UGT2B7: variants seen among roughly 807,000 people sequenced by gnomAD.
UGT2B7 encodes UDP-glucuronosyltransferase 2B7.
UGT2B7 carries 51 observed loss-of-function variants against 51.9 expected under a neutral mutation model. That is an observed-to-expected ratio of 0.98 (90% CI 0.78 to 1.24). The LOEUF is 1.24. Ranked by LOEUF, UGT2B7 falls within the 50% of genes most tolerant of loss-of-function variation. UGT2B7 has a pLI of 0.00. For missense variants in UGT2B7, 727 were observed against 628.4 expected, an observed-to-expected ratio of 1.16 and a Z score of -1.68; for synonymous variants, 225 against 211.6, an observed-to-expected ratio of 1.06 and a Z score of -0.55.
At chr4:69,069,360 C>T (rs1280596121) in intron 1 of UGT2B7, among the ~76,000 whole-genome samples, 2 of 151,814 alleles carry the variant, frequency 1.3e-5, no homozygotes, top group Non-Finnish European at 2.9e-5. Flanking sequence ...AATCTCTGTA[C>T]TCTCAATTGA....
intron 1 of UGT2B7, among the ~76,000 whole-genome samples, chr4:69,056,692 C>T (rs1319656207): frequency 6.6e-6 from 1 of 151,926 alleles, no homozygotes; most frequent in Non-Finnish European, 1.5e-5. Context: ...CCTACCTGTA[C>T]TTCTTCAAAT....
At chr4:69,094,840 T>C (rs73823857), upstream of UGT2B7, among the ~76,000 whole-genome samples, 5,074 of 152,320 alleles carry the variant, frequency 0.033, 118 homozygotes, top group Middle Eastern at 0.11. Context: ...ACTCTAACGC[T>C]GCTTTATAAA....
intron 5 of UGT2B7, among the ~76,000 whole-genome samples, chr4:69,111,963 C>T (rs983279121): frequency 6.6e-6 from 1 of 152,256 alleles, no homozygotes; most frequent in Middle Eastern, 3.4e-3. Context: ...AATTAACTTA[C>T]TTTCAGTATT....
chr4:69,057,198 A>C (rs1718224359), intron 1 of UGT2B7, among the ~76,000 whole-genome samples: 1 of 152,160 alleles, frequency 6.6e-6, no homozygotes, highest in Non-Finnish European at 1.5e-5. Context: ...CAGTGTTGTG[A>C]GCCCTTAAAA....
chr4:69,112,592 C>T lies in UGT2B7; in HGVS notation c.1446C>T (p.Asp482=). Residue 482 remains aspartate (D), a synonymous_variant, in exon 6 of 6, where the codon GAC becomes GAT. Coordinates refer to ENST00000305231, the MANE Select transcript of UGT2B7 (RefSeq NM_001074.4). The part of the protein sequence containing the change: ...GAKHLRVAAH[D]LTWFQYHSLD... ...AACACCTTCGGGTTGCAGCCCACGACCTCACCTGGTTCCAGTACCACTCTT... is the reference window on the plus strand; with the variant it reads ...AACACCTTCGGGTTGCAGCCCACGATCTCACCTGGTTCCAGTACCACTCTT... 2.5e-6 allele frequency: 4 copies of T among 1,613,982 alleles called. No individual in the cohort carries two copies. The highest frequency in any genetic ancestry group is 3.4e-6 in the Non-Finnish European group (4 of 1,179,884).
intron 2 of UGT2B7, 63 bp from the exon 3 acceptor site, chr4:69,102,744 T>C: frequency 1.9e-6 from 3 of 1,567,768 alleles, no homozygotes; most frequent in Non-Finnish European, 2.6e-6. Context: ...TTTGCACCAA[T>C]TCTTTTGGTA....
At chr4:69,053,628 G>A (rs1004005346) in intron 1 of UGT2B7, among the ~76,000 whole-genome samples, 1 of 152,132 alleles carries the variant, frequency 6.6e-6, no homozygotes, top group Non-Finnish European at 1.5e-5. Context: ...AGTCCCTGTG[G>A]GTCAGCCTCC....
chr4:69,106,559 T>C (rs946704599), intron 3 of UGT2B7, among the ~76,000 whole-genome samples: 2 of 152,148 alleles, frequency 1.3e-5, no homozygotes, highest in Non-Finnish European at 2.9e-5. Context: ...CTGCAATTAA[T>C]ACACCTGTGC....
intron 1 of UGT2B7, among the ~76,000 whole-genome samples, chr4:69,064,106 G>GAAAGAAAGAGAAAGAAAC: frequency 8.4e-6 from 1 of 118,368 alleles, no homozygotes; most frequent in Non-Finnish European, 1.7e-5. Context: ...GAGAAAGAAA[G>GAAAGAAAGAGAAAGAAAC]AAAGAAAAAG....
At chr4:69,074,445 T>TATATATATATAA (rs761833298) in intron 1 of UGT2B7, among the ~76,000 whole-genome samples, 10 of 106,516 alleles carry the variant, frequency 9.4e-5, no homozygotes, top group African/African-American at 3.1e-4. Flanking sequence ...TATATATATA[T>TATATATATATAA]AAATTAAAAA....
intron 1 of UGT2B7, among the ~76,000 whole-genome samples, chr4:69,066,163 T>C (rs1295762239): frequency 1.3e-5 from 2 of 152,160 alleles, no homozygotes; most frequent in Non-Finnish European, 2.9e-5. Flanking sequence ...TAGAACAAGG[T>C]ACATACTTTT....
At position 69,112,494 on chromosome 4, in the gene UGT2B7, C is replaced by G; in HGVS notation, c.1348C>G (p.His450Asp). The stretch of plus-strand genomic sequence containing the variant: ...TGTTATGAAATTATCAAGAATTCAA[C>G]ATGATCAACCAGTGAAGCCCCTGGA... Reference protein sequence around the residue: ...ENVMKLSRIQHDQPVKPLDRA... With the variant: ...ENVMKLSRIQDDQPVKPLDRA... The change falls in exon 6 of 6, where the codon CAT becomes GAT. Residue 450 changes from histidine (H) to aspartate (D), a missense_variant. Transcript: ENST00000305231. 1 of 1,613,742 alleles carries G rather than the reference C, an allele frequency of 6.2e-7. No individual in the cohort carries two copies. The highest frequency in any genetic ancestry group is 2.2e-5 in the East Asian group (1 of 44,870).
At chr4:69,069,171 T>G (rs974301783) in intron 1 of UGT2B7, among the ~76,000 whole-genome samples, 1 of 151,978 alleles carries the variant, frequency 6.6e-6, no homozygotes, top group Admixed American at 6.6e-5. Context: ...CTTTCATACT[T>G]TTAACCATGA....
chr4:69,096,955 T>C lies in UGT2B7; in HGVS notation c.435T>C (p.Phe145=). 6.2e-7 allele frequency: 1 copy of C among 1,613,596 alleles called. No individual in the cohort carries two copies. Residue 145 remains phenylalanine, a synonymous_variant, in exon 1 of 6, where the codon TTT becomes TTC. Coordinates refer to ENST00000305231, the MANE Select transcript of UGT2B7 (RefSeq NM_001074.4). ...KFMKKVQESR[F]DVIFADAIFP... ...TGAAAAAAGTACAAGAGTCAAGATT[T>C]GACGTCATTTTTGCAGATGCTATTT...
At chr4:69,076,303 T>C (rs978931788) in intron 1 of UGT2B7, among the ~76,000 whole-genome samples, 2 of 152,210 alleles carry the variant, frequency 1.3e-5, no homozygotes, top group African/African-American at 4.8e-5. Context: ...TGCCCAGCAA[T>C]GGGAATGCTG....
At chr4:69,085,540 T>C (rs1718934677) in intron 1 of UGT2B7, among the ~76,000 whole-genome samples, 1 of 152,174 alleles carries the variant, frequency 6.6e-6, no homozygotes, top group Non-Finnish European at 1.5e-5. Context: ...TATTTGTCTA[T>C]GCCTATGTCC....
intron 2 of UGT2B7, among the ~76,000 whole-genome samples, chr4:69,090,817 G>A (rs932927251): frequency 5.9e-5 from 9 of 152,260 alleles, no homozygotes; most frequent in African/African-American, 2.2e-4. Context: ...AGTCGACACA[G>A]TTGCTTGCTA....
At chr4:69,096,426 C>G, upstream of UGT2B7, 1 of 1,577,816 alleles carries the variant, frequency 6.3e-7, no homozygotes. Flanking sequence ...ATAAGGGTTA[C>G]ATTTTAACTT....
At chr4:69,062,386 T>C (rs1043576564) in intron 1 of UGT2B7, among the ~76,000 whole-genome samples, 2 of 152,228 alleles carry the variant, frequency 1.3e-5, no homozygotes, top group Non-Finnish European at 2.9e-5. Flanking sequence ...AAAAAGTATA[T>C]GGCTAAGCGC....
Sources: gnomAD v4.1 joint callset for allele counts (sites outside exome capture counted in the v4.1 genomes callset) on GRCh38, gnomAD v4.1.1 for gene constraint, MANE v1.5 for transcripts, NCBI Gene and HGNC (gene_info 2026-07-23, HGNC 2026-07-21) for gene names.